Variants in HYDIN observed in about 807,000 individuals in gnomAD.
HYDIN encodes HYDIN axonemal central pair apparatus protein.
HYDIN carries 132 observed loss-of-function variants against 403.9 expected under a neutral mutation model. That is an observed-to-expected ratio of 0.33 (90% CI 0.28 to 0.38). The LOEUF (loss-of-function observed/expected upper bound fraction) is 0.38. Ranked by LOEUF, HYDIN falls within the 10% of genes least tolerant of loss-of-function variation. The probability of loss-of-function intolerance (pLI) is 1.00; values close to 1 mark genes in which losing one functional copy is unlikely to be tolerated. For synonymous variants in HYDIN, 1,202 were observed against 1,891.7 expected, an observed-to-expected ratio of 0.64 and a Z score of 9.46; for missense variants, 2,827 against 5,009.5, an observed-to-expected ratio of 0.56 and a Z score of 13.15.
At chr16:71,026,503 T>A (rs1481559345) in intron 20 of HYDIN, among the ~76,000 whole-genome samples, 1 of 151,882 alleles carries the variant, frequency 6.6e-6, no homozygotes, top group Non-Finnish European at 1.5e-5. Flanking sequence ...GATAACCACA[T>A]TATAAATATG....
intron 8 of HYDIN, among the ~76,000 whole-genome samples, chr16:71,130,663 A>AT (rs1027220185): frequency 6.7e-6 from 1 of 148,944 alleles, no homozygotes; most frequent in African/African-American, 2.5e-5. Context: ...AATTTTTTGT[A>AT]TTTTTTAGTA....
chr16:70,896,231 T>C (rs1417729464), intron 53 of HYDIN, 151 bp from the exon 54 acceptor site: 4 of 613,366 alleles, frequency 6.5e-6, no homozygotes, highest in Non-Finnish European at 8.3e-6. Context: ...TTTGGTAGGA[T>C]TTGTGCTCCT....
chr16:70,900,707 T>C (rs1478387185), intron 53 of HYDIN, among the ~76,000 whole-genome samples: 1 of 148,350 alleles, frequency 6.7e-6, no homozygotes, highest in Non-Finnish European at 1.5e-5. Flanking sequence ...GCAACACCAT[T>C]TGTTCATTTG....
intron 23 of HYDIN, among the ~76,000 whole-genome samples, chr16:71,002,929 C>T (rs1051120926): frequency 6.6e-6 from 1 of 151,932 alleles, no homozygotes; most frequent in African/African-American, 2.4e-5. Flanking sequence ...CTGCCTTGGC[C>T]TCCCAAAGTG....
At chr16:70,984,326 C>T (rs113261666) in intron 28 of HYDIN, among the ~76,000 whole-genome samples, 5 of 144,026 alleles carry the variant, frequency 3.5e-5, no homozygotes, top group African/African-American at 1.0e-4. Context: ...CAGGAGGCAG[C>T]GGTTGCAGTG....
intron 1 of HYDIN, 87 bp downstream of exon 1, chr16:71,230,469 CAGGGCG>C (rs2041231979): frequency 7.1e-7 from 1 of 1,399,538 alleles, no homozygotes; most frequent in Admixed American, 2.6e-5. Flanking sequence ...GCCTGGGACG[CAGGGCG>C]AGGACGAGGA....
rs72516476 is a variant in HYDIN, at chr16:71,051,669, C to CA, written c.2529+8834dup. Among the ~76,000 whole-genome samples, 110 of 81,376 alleles carry CA rather than the reference C, an allele frequency of 1.4e-3. 1 individual carries two copies. Among genetic ancestry groups the CA allele is most frequent in the African/African-American group, 4.9e-3 (104 of 21,190 alleles). The allele number at this position is 81,376 out of a possible 152,430, so 53.4% of individuals were successfully genotyped here. A position where few individuals can be genotyped will look rare whatever the true frequency, so the allele number is the denominator to read the frequency against. ...TCAAAAAAAAAAAAAACAAAAAAAACAAAAAAAAGAAACATTTGAGGCTTT... is the reference window on the plus strand; with the variant it reads ...TCAAAAAAAAAAAAAACAAAAAAAACAAAAAAAAAGAAACATTTGAGGCTTT... On this transcript the variant is annotated intron_variant, in intron 18 of 85. Transcript: ENST00000393567.
chr16:70,844,379 C>T (rs1377028285), intron 75 of HYDIN, among the ~76,000 whole-genome samples: 2 of 138,600 alleles, frequency 1.4e-5, no homozygotes, highest in Non-Finnish European at 3.0e-5. Flanking sequence ...TTTCTGAGGG[C>T]TCTGTTCTGT....
chr16:71,172,688 T>C (rs1412952369), intron 5 of HYDIN, among the ~76,000 whole-genome samples: 2 of 152,194 alleles, frequency 1.3e-5, no homozygotes, highest in South Asian at 2.1e-4. Context: ...GACATGCTAA[T>C]ATACATGGGT....
At chr16:71,036,256 G>T (rs2081084363) in intron 18 of HYDIN, among the ~76,000 whole-genome samples, 1 of 151,804 alleles carries the variant, frequency 6.6e-6, no homozygotes, top group Admixed American at 6.6e-5. Flanking sequence ...GGGGCAGCTA[G>T]AGAGAAACTA....
rs1197303108 is a variant in HYDIN at position 70,834,176 on chromosome 16, A to G, written c.13402-12T>C. The G allele has an allele frequency of 1.2e-6, 2 of 1,613,552 alleles. No homozygotes were observed. The highest frequency in any genetic ancestry group is 1.1e-5 in the South Asian group (1 of 91,032). The stretch of plus-strand genomic sequence containing the variant: ...GCCAGGGTAAGGACCTGAATGAAAT[A>G]GCACCCAGAGTCAGCAGCTGAGGGT... On this transcript the variant is annotated splice_polypyrimidine_tract_variant and intron_variant, in intron 78 of 85. Transcript: ENST00000393567.
At chr16:71,010,561 C>G (rs1427275930) in intron 23 of HYDIN, among the ~76,000 whole-genome samples, 2 of 151,476 alleles carry the variant, frequency 1.3e-5, no homozygotes, top group Non-Finnish European at 2.9e-5. Context: ...TCACCACATT[C>G]CTCTGTGGAA....
At chr16:70,908,945 T>C in intron 47 of HYDIN, 84 bp from the exon 48 acceptor site, 3 of 1,544,170 alleles carry the variant, frequency 1.9e-6, no homozygotes, top group Non-Finnish European at 2.6e-6. Context: ...ATGTCTGTCA[T>C]CTGGGGAGAT....
intron 75 of HYDIN, among the ~76,000 whole-genome samples, chr16:70,847,303 T>C (rs1400953587): frequency 6.6e-6 from 1 of 152,288 alleles, no homozygotes; most frequent in Non-Finnish European, 1.5e-5. Flanking sequence ...TGCAGTTGTC[T>C]TTTAAATCAG....
At chr16:71,171,342 C>T (rs2086455105) in intron 5 of HYDIN, among the ~76,000 whole-genome samples, 1 of 152,204 alleles carries the variant, frequency 6.6e-6, no homozygotes, top group Non-Finnish European at 1.5e-5. Context: ...TGAAAGAAAG[C>T]AGAGCCCTTA....
intron 5 of HYDIN, among the ~76,000 whole-genome samples, chr16:71,175,090 A>C (rs2086614985): frequency 6.6e-6 from 1 of 150,782 alleles, no homozygotes; most frequent in African/African-American, 2.4e-5. Context: ...ACCACCATCT[A>C]CACCACCACC....
chr16:70,955,384 C>G lies in HYDIN; in HGVS notation c.6307G>C (p.Glu2103Gln), dbSNP rs780200510. 1 of 1,598,576 alleles carries G rather than the reference C, an allele frequency of 6.3e-7. No homozygotes were observed. The highest frequency in any genetic ancestry group is 8.5e-7 in the Non-Finnish European group (1 of 1,175,112). Residue 2103 changes from glutamate (E) to glutamine (Q), a missense_variant, in exon 40 of 86, where the codon GAG becomes CAG. Coordinates refer to ENST00000393567, the MANE Select transcript of HYDIN (RefSeq NM_001270974.2). Reference sequence around the variant, plus strand: ...GAGAATGGGCTCTTACCAGCCTCCTCTCCTTCCTTCACGGACTGCTCTATG... The same window carrying G: ...GAGAATGGGCTCTTACCAGCCTCCTGTCCTTCCTTCACGGACTGCTCTATG... ...AAIEQSVKEGEEAAQEAAVGQ... is the reference protein window; with the variant it reads ...AAIEQSVKEGQEAAQEAAVGQ...
At position 70,834,150 on chromosome 16, in the gene HYDIN, C is replaced by A. The variant is rs532994458; in HGVS notation, c.13416G>T (p.Ala4472=). ...GCTTCAGTGTGATGTTGTGGAAGGGCGCCAGGGTAAGGACCTGAATGAAAT... is the reference window on the plus strand; with the variant it reads ...GCTTCAGTGTGATGTTGTGGAAGGGAGCCAGGGTAAGGACCTGAATGAAAT... ...ELQEPKVLTL[A]PFHNITLKPK... The change falls in exon 79 of 86, where the codon GCG becomes GCT. Residue 4472 remains alanine, a synonymous_variant. Coordinates refer to ENST00000393567, the MANE Select transcript of HYDIN (RefSeq NM_001270974.2). 6.2e-7 allele frequency: 1 copy of A among 1,613,690 alleles called. No individual in the cohort carries two copies. The highest frequency in any genetic ancestry group is 1.3e-5 in the African/African-American group (1 of 74,852).
intron 11 of HYDIN, among the ~76,000 whole-genome samples, chr16:71,092,221 T>C (rs1014257145): frequency 3.9e-5 from 6 of 152,154 alleles, no homozygotes; most frequent in African/African-American, 1.4e-4. Flanking sequence ...TAATGGAATA[T>C]GAATGTAAGT....
Sources: allele counts gnomAD v4.1 joint callset (sites outside exome capture counted in the v4.1 genomes callset), GRCh38; gene constraint gnomAD v4.1.1; transcripts MANE v1.5; gene names NCBI Gene and HGNC (gene_info 2026-07-23, HGNC 2026-07-21).